The following NSG2 variants were observed in gnomAD, a reference collection of about 807,000 sequenced individuals.
The protein encoded by NSG2 is neuronal vesicle trafficking associated 2.
A neutral mutation model predicts 16.9 loss-of-function variants in NSG2; 4 were observed. That is an observed-to-expected ratio of 0.24 (90% CI 0.12 to 0.54). The LOEUF (loss-of-function observed/expected upper bound fraction) is 0.54. Ranked by LOEUF, NSG2 falls within the 20% of genes least tolerant of loss-of-function variation. The pLI is 0.95. For synonymous variants in NSG2, 98 were observed against 88.7 expected (o/e 1.11, Z -0.59); for missense variants, 179 against 221.1 (o/e 0.81, Z 1.21).
At chr5:174,089,055 C>T (rs887645626) in intron 3 of NSG2, among the ~76,000 whole-genome samples, 3 of 152,134 alleles carry the variant, frequency 2.0e-5, no homozygotes, top group Non-Finnish European at 2.9e-5. Context: ...TCAGCCATGA[C>T]CCCCATCTGC....
intron 3 of NSG2, among the ~76,000 whole-genome samples, chr5:174,074,519 C>G (rs1213403911): frequency 1.3e-5 from 2 of 152,158 alleles, no homozygotes; most frequent in Admixed American, 1.3e-4. Context: ...CTCTCCATCT[C>G]TGTCCCACCC....
chr5:174,097,411 C>T (rs974452342), intron 3 of NSG2, among the ~76,000 whole-genome samples: 9 of 150,932 alleles, frequency 6.0e-5, no homozygotes, highest in Admixed American at 1.3e-4. Context: ...GCACACGGCA[C>T]GGTTTGGGCC....
At chr5:174,100,949 A>G (rs2113476493) in intron 3 of NSG2, among the ~76,000 whole-genome samples, 1 of 152,344 alleles carries the variant, frequency 6.6e-6, no homozygotes, top group South Asian at 2.1e-4. Flanking sequence ...TGCCTAGGCA[A>G]GGTTTGGGGT....
chr5:174,096,951 T>C (rs564911585), intron 3 of NSG2, among the ~76,000 whole-genome samples: 1 of 152,206 alleles, frequency 6.6e-6, no homozygotes, highest in South Asian at 2.1e-4. Flanking sequence ...TCTTACCAAC[T>C]GGGGAACCTT....
At chr5:174,071,964 G>A (rs1038134642) in intron 3 of NSG2, among the ~76,000 whole-genome samples, 9 of 152,146 alleles carry the variant, frequency 5.9e-5, no homozygotes, top group African/African-American at 1.9e-4. Flanking sequence ...TGGGGGCCTT[G>A]GCTCCCTGTC....
At chr5:174,090,366 G>A (rs1046555831) in intron 3 of NSG2, among the ~76,000 whole-genome samples, 8 of 152,320 alleles carry the variant, frequency 5.3e-5, no homozygotes, top group East Asian at 1.9e-4. Context: ...GGCAACGTCC[G>A]CCAGGGAAGC....
At chr5:174,068,474 A>G (rs544202496) in intron 3 of NSG2, among the ~76,000 whole-genome samples, 11 of 152,282 alleles carry the variant, frequency 7.2e-5, no homozygotes, top group African/African-American at 2.4e-4. Flanking sequence ...TGATTTTGCT[A>G]TGGATGGTGC....
At chr5:174,078,945 G>GCA (rs1053547120) in intron 3 of NSG2, among the ~76,000 whole-genome samples, 12 of 151,774 alleles carry the variant, frequency 7.9e-5, no homozygotes, top group African/African-American at 2.4e-4. Flanking sequence ...TAAGACACAC[G>GCA]CACACACACA....
At chr5:174,097,822 AGT>A (rs1760828714) in intron 3 of NSG2, among the ~76,000 whole-genome samples, 1 of 82,306 alleles carries the variant, frequency 1.2e-5, no homozygotes, top group African/African-American at 5.0e-5. Flanking sequence ...TGTGTGTGTG[AGT>A]GTGTCTCTTT....
At chr5:174,102,913 G>A (rs1179838020) in intron 3 of NSG2, among the ~76,000 whole-genome samples, 3 of 149,662 alleles carry the variant, frequency 2.0e-5, no homozygotes, top group African/African-American at 7.4e-5. Flanking sequence ...CCAGTAGCTG[G>A]GATCACAGGT....
chr5:174,080,529 C>CTTTCTT, intron 3 of NSG2, among the ~76,000 whole-genome samples: 1 of 102,796 alleles, frequency 9.7e-6, no homozygotes, highest in Non-Finnish European at 2.1e-5. Context: ...CTTTCTTTCT[C>CTTTCTT]TCTCTCTCTC....
At position 174,085,021 on chromosome 5, in the gene NSG2, G is replaced by C. The variant is rs192056509; in HGVS notation, c.214-19207G>C. 1.2e-3 allele frequency among the ~76,000 whole-genome samples: 183 copies of C among 152,268 alleles called. 1 individual carries two copies. The highest frequency in any genetic ancestry group is 4.0e-3 in the African/African-American group (168 of 41,544). ...AATGCAAGAGTCTGATTTCTGCTCTGATCAAACCATGGGAAAGTTAATTAA... is the reference window on the plus strand; with the variant it reads ...AATGCAAGAGTCTGATTTCTGCTCTCATCAAACCATGGGAAAGTTAATTAA... On this transcript the variant is annotated intron_variant, in intron 3 of 4. Transcript: ENST00000303177.
intron 3 of NSG2, among the ~76,000 whole-genome samples, chr5:174,103,163 C>T (rs945367992): frequency 4.6e-5 from 7 of 151,796 alleles, no homozygotes; most frequent in Admixed American, 1.3e-4. Flanking sequence ...ACAAGGAAGT[C>T]GTCACTAGTT....
Position 174,108,130 on chromosome 5 carries a change from A to T in NSG2, c.*625A>T, listed in dbSNP as rs1374382712. 1 of 210,306 alleles carries T rather than the reference A, an allele frequency of 4.8e-6. No homozygotes were observed. The highest frequency in any genetic ancestry group is 9.6e-6 in the Non-Finnish European group (1 of 104,286). The allele number at this position is 210,306 out of a possible 1,614,324, so 13.0% of individuals were successfully genotyped here. On this transcript the variant is annotated 3_prime_UTR_variant, in exon 5 of 5. Coordinates refer to ENST00000303177, the MANE Select transcript of NSG2 (RefSeq NM_015980.5). ...TGTGCTGGCCTCTGGTGCATTTTGC[A>T]AGATGAGCACAAACTTTCTGGGCCT...
intron 3 of NSG2, among the ~76,000 whole-genome samples, chr5:174,100,228 G>A (rs1173985018): frequency 6.6e-6 from 1 of 152,198 alleles, no homozygotes; most frequent in Non-Finnish European, 1.5e-5. Flanking sequence ...AGTCACGGAG[G>A]ACACCCCAGC....
chr5:174,047,896 A>G (rs1205084284), intron 2 of NSG2, among the ~76,000 whole-genome samples: 2 of 152,222 alleles, frequency 1.3e-5, no homozygotes, highest in Non-Finnish European at 2.9e-5. Context: ...AGAGCGAACA[A>G]TGGATCATTC....
At chr5:174,104,429 T>C (rs1760946243) in intron 4 of NSG2, 91 bp downstream of exon 4, 2 of 884,070 alleles carry the variant, frequency 2.3e-6, no homozygotes, top group East Asian at 2.4e-5. Context: ...AAATTCTGGG[T>C]ATGACGACCT....
rs554695225 is a variant in NSG2, at chr5:174,066,688, C to CT, written c.213+2379dup. ...AAAATGAGAATTATTTTTAAGTGTG[C>CT]TTTTTTAAAAAAAAACAGAGTGTTA... is the stretch of plus-strand genomic sequence containing the variant. On this transcript the variant is annotated intron_variant, in intron 3 of 4. Transcript: ENST00000303177. Among the ~76,000 whole-genome samples the CT allele has an allele frequency of 1.8e-3, 277 of 151,668 alleles. 1 individual carries two copies. Among genetic ancestry groups the CT allele is most frequent in the African/African-American group, 6.2e-3 (258 of 41,402 alleles).
At chr5:174,084,904 G>A (rs1371507410) in intron 3 of NSG2, among the ~76,000 whole-genome samples, 2 of 152,204 alleles carry the variant, frequency 1.3e-5, no homozygotes, top group African/African-American at 2.4e-5. Context: ...GCACTCCTGT[G>A]TCTACTGGAT....
Sources: gnomAD v4.1 joint callset for allele counts (sites outside exome capture counted in the v4.1 genomes callset) on GRCh38, gnomAD v4.1.1 for gene constraint, MANE v1.5 for transcripts, NCBI Gene and HGNC (gene_info 2026-07-23, HGNC 2026-07-21) for gene names.